Variants in FAM169A observed in about 807,000 individuals in gnomAD.
FAM169A encodes the protein soluble lamin-associated protein of 75 kDa.
FAM169A carries 24 observed loss-of-function variants against 75.7 expected under a neutral mutation model. That is an observed-to-expected ratio of 0.32 (90% CI 0.23 to 0.45). The LOEUF (loss-of-function observed/expected upper bound fraction) is 0.45. Ranked by LOEUF, FAM169A falls within the 20% of genes least tolerant of loss-of-function variation. FAM169A has a pLI of 1.00. For synonymous variants in FAM169A, 271 were observed against 271.0 expected, an observed-to-expected ratio of 1.00 and a Z score of 0.00; for missense variants, 673 against 784.0, an observed-to-expected ratio of 0.86 and a Z score of 1.69.
At chr5:74,807,073 C>A (rs1746923090) in intron 6 of FAM169A, among the ~76,000 whole-genome samples, 1 of 152,330 alleles carries the variant, frequency 6.6e-6, no homozygotes, top group East Asian at 1.9e-4. Context: ...AATTCTACTT[C>A]TAGGTATAAA....
Position 74,781,433 on chromosome 5 carries a change from G to A in FAM169A, c.*27C>T. The stretch of plus-strand genomic sequence containing the variant: ...AACAACAACTATGTTACAAAGAAGA[G>A]GATTTATCATCCACTTTCTTCTTCC... On this transcript the variant is annotated 3_prime_UTR_variant, in exon 13 of 13. Transcript: ENST00000687041. 3 of 1,590,052 alleles carry A rather than the reference G, an allele frequency of 1.9e-6. No individual in the cohort carries two copies. Among genetic ancestry groups the A allele is most frequent in the Non-Finnish European group, 2.6e-6 (3 of 1,163,048 alleles).
At chr5:74,838,114 CAA>C (rs1169194601) in intron 4 of FAM169A, among the ~76,000 whole-genome samples, 21 of 65,504 alleles carry the variant, frequency 3.2e-4, no homozygotes, top group African/African-American at 9.1e-4. Context: ...AACTCCATCC[CAA>C]AAAAAAAAAA....
chr5:74,832,372 A>C (rs1259068526), intron 5 of FAM169A, among the ~76,000 whole-genome samples: 1 of 151,890 alleles, frequency 6.6e-6, no homozygotes, highest in Non-Finnish European at 1.5e-5. Context: ...CTTGAATTTC[A>C]TTGTACTGTA....
intron 10 of FAM169A, among the ~76,000 whole-genome samples, chr5:74,797,587 T>C (rs771427842): frequency 6.6e-6 from 1 of 152,212 alleles, no homozygotes. Context: ...GTAGATACAA[T>C]AGCCACGAGA....
At chr5:74,806,852 G>A (rs769984310) in intron 6 of FAM169A, among the ~76,000 whole-genome samples, 3 of 152,082 alleles carry the variant, frequency 2.0e-5, no homozygotes, top group Non-Finnish European at 4.4e-5. Context: ...CAGAGACTAT[G>A]AACAGGAATT....
intron 10 of FAM169A, chr5:74,799,625 G>C (rs1195422365): frequency 7.1e-7 from 1 of 1,415,596 alleles, no homozygotes; most frequent in African/African-American, 1.4e-5. Flanking sequence ...CACGGGGTCA[G>C]CTTCTCCGCC....
intron 11 of FAM169A, among the ~76,000 whole-genome samples, chr5:74,783,773 T>A (rs567604867): frequency 2.8e-4 from 42 of 152,208 alleles, no homozygotes; most frequent in Non-Finnish European, 4.9e-4. Flanking sequence ...ATTCTCCCAA[T>A]GTTTATCCAT....
At chr5:74,799,717 T>C (rs10044287) in intron 10 of FAM169A, 243,833 of 1,218,598 alleles carry the variant, frequency 0.2, 26,031 homozygotes, top group South Asian at 0.29. Flanking sequence ...TGTCTCAATC[T>C]GAAGACGGAG....
chr5:74,859,567 C>T (rs1002374647), intron 1 of FAM169A, among the ~76,000 whole-genome samples: 2 of 152,096 alleles, frequency 1.3e-5, no homozygotes, highest in Non-Finnish European at 1.5e-5. Context: ...GGATTACAGG[C>T]GTGAGCCACC....
At chr5:74,817,942 T>C (rs953931654) in intron 5 of FAM169A, among the ~76,000 whole-genome samples, 5 of 152,172 alleles carry the variant, frequency 3.3e-5, no homozygotes, top group South Asian at 2.1e-4. Flanking sequence ...CTAGTACAAC[T>C]AGATATCCAA....
intron 5 of FAM169A, among the ~76,000 whole-genome samples, chr5:74,815,920 T>C (rs1032798742): frequency 1.3e-5 from 2 of 152,210 alleles, no homozygotes; most frequent in African/African-American, 4.8e-5. Flanking sequence ...TTCTTTAGCA[T>C]ATCATCAAGA....
In FAM169A at chr5:74,855,979, T is replaced by G. The variant is rs545605391; in HGVS notation, c.-4+10186A>C. 2.0e-5 allele frequency among the ~76,000 whole-genome samples: 3 copies of G among 152,372 alleles called. No homozygotes were observed. In the East Asian group the frequency reaches 5.8e-4, roughly 29 times the overall value. On this transcript the variant is annotated intron_variant, in intron 1 of 12. Transcript: ENST00000687041. ...TTGTATATGGCAAGAGATACAGGTC[T>G]AGTTTCATTCTTCTGCGTATGGATA...
upstream of FAM169A, chr5:74,866,433 C>G (rs915765997): frequency 4.3e-6 from 4 of 940,946 alleles, no homozygotes; most frequent in African/African-American, 3.6e-5. Flanking sequence ...GCGCCCGCGC[C>G]CACCGCGAAT....
chr5:74,797,196 A>G (rs986678985), intron 10 of FAM169A, among the ~76,000 whole-genome samples: 2 of 152,100 alleles, frequency 1.3e-5, no homozygotes, highest in African/African-American at 4.8e-5. Context: ...TTTGTTTTTG[A>G]GACAGGGTCT....
chr5:74,799,111 C>T (rs1036227023), intron 10 of FAM169A: 12 of 979,722 alleles, frequency 1.2e-5, no homozygotes, highest in South Asian at 2.6e-5. Context: ...GAAGAATGGG[C>T]GCCAGTGTGT....
At chr5:74,811,206 A>G (rs1275344441) in intron 6 of FAM169A, among the ~76,000 whole-genome samples, 1 of 152,086 alleles carries the variant, frequency 6.6e-6, no homozygotes, top group Non-Finnish European at 1.5e-5. Context: ...CTAGTCTTGC[A>G]TTCTTGGCCT....
chr5:74,805,940 A>G (rs1269296417), intron 6 of FAM169A, among the ~76,000 whole-genome samples: 1 of 150,386 alleles, frequency 6.6e-6, no homozygotes, highest in Non-Finnish European at 1.5e-5. Context: ...GAAAATATTC[A>G]GTATGTACAA....
At chr5:74,847,874 A>C (rs974102296) in intron 1 of FAM169A, among the ~76,000 whole-genome samples, 1 of 152,192 alleles carries the variant, frequency 6.6e-6, no homozygotes, top group Non-Finnish European at 1.5e-5. Flanking sequence ...ATGTTACTTA[A>C]ATACAAAACA....
intron 5 of FAM169A, among the ~76,000 whole-genome samples, chr5:74,830,182 A>T (rs574737114): frequency 2.0e-5 from 3 of 152,282 alleles, no homozygotes; most frequent in Admixed American, 2.0e-4. Flanking sequence ...CAACAACATA[A>T]AAAGAGAGGA....
Sources: gnomAD v4.1 joint callset for allele counts (sites outside exome capture counted in the v4.1 genomes callset) on GRCh38, gnomAD v4.1.1 for gene constraint, MANE v1.5 for transcripts, NCBI Gene and HGNC (gene_info 2026-07-23, HGNC 2026-07-21) for gene names.